Variants in B4GALT6 observed in about 807,000 individuals in gnomAD.
B4GALT6 encodes the protein UDP-Gal:beta-GlcNAc beta-1,4-galactosyltransferase 6.
A neutral mutation model predicts 46.3 loss-of-function variants in B4GALT6; 14 were observed. The observed-to-expected ratio is 0.30, with a 90% CI of 0.20 to 0.47. B4GALT6 has a LOEUF of 0.47. Among genes scored for constraint, B4GALT6 ranks in the 20% least tolerant of loss-of-function variants. The probability of loss-of-function intolerance (pLI) is 0.99; values close to 1 mark genes in which losing one functional copy is unlikely to be tolerated. For synonymous variants in B4GALT6, 168 were observed against 162.0 expected, an observed-to-expected ratio of 1.04 and a Z score of -0.28; for missense variants, 386 against 480.1, an observed-to-expected ratio of 0.80 and a Z score of 1.83.
chr18:31,697,019 C>A, the B4GALT6 span, among the ~76,000 whole-genome samples: 1 of 152,274 alleles, frequency 6.6e-6, no homozygotes, highest in Non-Finnish European at 1.5e-5. Flanking sequence ...GTAATCCCAA[C>A]AAACACTTAA....
intron 2 of B4GALT6, among the ~76,000 whole-genome samples, chr18:31,658,818 A>G (rs1177983115): frequency 1.3e-5 from 2 of 152,170 alleles, no homozygotes; most frequent in East Asian, 1.9e-4. Context: ...AAACTTCAAT[A>G]AGACAAAATG....
chr18:31,649,291 A>C (rs559383597), intron 3 of B4GALT6, among the ~76,000 whole-genome samples: 18 of 147,224 alleles, frequency 1.2e-4, no homozygotes, highest in Non-Finnish European at 3.0e-5. Flanking sequence ...TGAAGCAACC[A>C]AACCTGAGCA....
At chr18:31,654,829 T>C (rs1052555691) in intron 3 of B4GALT6, among the ~76,000 whole-genome samples, 1 of 152,230 alleles carries the variant, frequency 6.6e-6, no homozygotes, top group African/African-American at 2.4e-5. Context: ...TATTATAAGA[T>C]TTTATACTTA....
the B4GALT6 span, among the ~76,000 whole-genome samples, chr18:31,710,708 A>G: frequency 5.7e-3 from 872 of 152,088 alleles, 8 homozygotes; most frequent in African/African-American, 0.02. Flanking sequence ...TCTGTTTTAA[A>G]CCATCCAGTT....
At chr18:31,689,925 A>T (rs1366325716), upstream of B4GALT6, among the ~76,000 whole-genome samples, 1 of 152,146 alleles carries the variant, frequency 6.6e-6, no homozygotes, top group East Asian at 1.9e-4. Flanking sequence ...TTGGCTACTG[A>T]ACAGACAAAA....
intron 2 of B4GALT6, among the ~76,000 whole-genome samples, chr18:31,659,301 G>A (rs2074182594): frequency 6.6e-6 from 1 of 152,208 alleles, no homozygotes; most frequent in South Asian, 2.1e-4. Flanking sequence ...TGTGAGAGGA[G>A]CCAAAGAAAA....
chr18:31,629,278 G>A (rs1667270), intron 6 of B4GALT6, among the ~76,000 whole-genome samples: 108 of 151,636 alleles, frequency 7.1e-4, no homozygotes, highest in African/African-American at 2.5e-3. Flanking sequence ...ACTGCATTCC[G>A]GTGGCTGGGG....
chr18:31,667,896 A>G (rs1387490247), intron 1 of B4GALT6, among the ~76,000 whole-genome samples: 1 of 152,162 alleles, frequency 6.6e-6, no homozygotes, highest in African/African-American at 2.4e-5. Flanking sequence ...ACAGATCGAG[A>G]CCATCCTGGC....
upstream of B4GALT6, among the ~76,000 whole-genome samples, chr18:31,688,673 C>T (rs894143157): frequency 2.6e-5 from 4 of 152,154 alleles, no homozygotes; most frequent in African/African-American, 9.7e-5. Context: ...AGCATTCCAA[C>T]CACTTTGATA....
chr18:31,650,884 T>C (rs1424307937), intron 3 of B4GALT6, among the ~76,000 whole-genome samples: 2 of 152,112 alleles, frequency 1.3e-5, no homozygotes, highest in Non-Finnish European at 2.9e-5. Context: ...TTCTCCTGCC[T>C]CACCCCCGAG....
intron 4 of B4GALT6, among the ~76,000 whole-genome samples, chr18:31,645,143 C>G (rs538059015): frequency 3.6e-4 from 54 of 151,706 alleles, no homozygotes; most frequent in Non-Finnish European, 6.2e-4. Context: ...AACCGAGCAT[C>G]TATTTTGTAT....
At chr18:31,626,762 C>A (rs1021133497) in intron 7 of B4GALT6, among the ~76,000 whole-genome samples, 3 of 151,976 alleles carry the variant, frequency 2.0e-5, no homozygotes, top group Non-Finnish European at 4.4e-5. Context: ...AATTATCTTC[C>A]AGGAGACTGG....
intron 2 of B4GALT6, chr18:31,658,379 G>T: frequency 4.0e-6 from 1 of 247,724 alleles, no homozygotes; most frequent in South Asian, 8.3e-5. Flanking sequence ...CCCTCCCCTG[G>T]CTGAGCCCGA....
intron 1 of B4GALT6, among the ~76,000 whole-genome samples, chr18:31,675,575 T>C (rs2074405898): frequency 6.6e-6 from 1 of 152,214 alleles, no homozygotes; most frequent in Non-Finnish European, 1.5e-5. Context: ...TGTAATTCAC[T>C]TAAAATAATA....
chr18:31,698,688 T>A, the B4GALT6 span, among the ~76,000 whole-genome samples: 1 of 150,126 alleles, frequency 6.7e-6, no homozygotes, highest in Non-Finnish European at 1.5e-5. Flanking sequence ...TTAATATAGA[T>A]TGATGACCAC....
At chr18:31,638,463 C>T (rs890177488) in intron 5 of B4GALT6, among the ~76,000 whole-genome samples, 181 bp downstream of exon 5, 1 of 152,040 alleles carries the variant, frequency 6.6e-6, no homozygotes, top group Non-Finnish European at 1.5e-5. Context: ...GGGGGCGGAG[C>T]TTGCAGTGAG....
At chr18:31,642,475 G>T (rs1311677045) in intron 4 of B4GALT6, among the ~76,000 whole-genome samples, 2 of 152,154 alleles carry the variant, frequency 1.3e-5, no homozygotes, top group African/African-American at 4.8e-5. Context: ...CAGCTGCCTG[G>T]TTCTTTAAGC....
At chr18:31,666,168 C>A in intron 2 of B4GALT6, 88 bp downstream of exon 2, 1 of 636,208 alleles carries the variant, frequency 1.6e-6, no homozygotes, top group Non-Finnish European at 2.7e-6. Flanking sequence ...TCATCTTTAA[C>A]AGGAAGTTAC....
intron 2 of B4GALT6, chr18:31,658,311 T>A (rs1325692362): frequency 5.1e-6 from 2 of 390,058 alleles, no homozygotes; most frequent in Admixed American, 7.8e-5. Flanking sequence ...CACACCCTTA[T>A]CCTTGCACAC....
Sources: allele counts gnomAD v4.1 joint callset (sites outside exome capture counted in the v4.1 genomes callset), GRCh38; gene constraint gnomAD v4.1.1; transcripts MANE v1.5; gene names NCBI Gene and HGNC (gene_info 2026-07-23, HGNC 2026-07-21).